ZNF385B: variants seen among roughly 807,000 people sequenced by gnomAD.
ZNF385B encodes the protein zinc finger protein 385B, also known as zinc finger protein 533.
Under a neutral mutation model 39.2 loss-of-function variants are expected in ZNF385B, and 23 were observed. The ratio of observed to expected loss-of-function variants is 0.59; its 90% confidence interval spans 0.42 to 0.83. The LOEUF (loss-of-function observed/expected upper bound fraction) is 0.83. Ranked by LOEUF, ZNF385B falls within the 40% of genes least tolerant of loss-of-function variation. ZNF385B has a pLI of 0.00. For missense variants in ZNF385B, 552 were observed against 598.9 expected (o/e 0.92, Z 0.82); for synonymous variants, 205 against 222.6 (o/e 0.92, Z 0.70).
intron 3 of ZNF385B, among the ~76,000 whole-genome samples, chr2:179,672,933 G>C (rs1380349342): frequency 6.6e-6 from 1 of 152,136 alleles, no homozygotes; most frequent in African/African-American, 2.4e-5. Context: ...CAGCTGAATA[G>C]AAGCAAAAAT....
At chr2:179,456,577 C>T (rs531161680) in intron 6 of ZNF385B, among the ~76,000 whole-genome samples, 19 of 152,212 alleles carry the variant, frequency 1.2e-4, no homozygotes, top group African/African-American at 4.3e-4. Context: ...AAGTAAAAAA[C>T]TTTATAATAA....
At chr2:179,456,431 A>T (rs2050715782) in intron 6 of ZNF385B, among the ~76,000 whole-genome samples, 1 of 152,182 alleles carries the variant, frequency 6.6e-6, no homozygotes, top group Non-Finnish European at 1.5e-5. Flanking sequence ...TATTTATTTT[A>T]TCACTAAAAC....
intron 3 of ZNF385B, among the ~76,000 whole-genome samples, chr2:179,553,839 A>AT (rs541745818): frequency 2.0e-5 from 3 of 148,882 alleles, no homozygotes; most frequent in South Asian, 2.1e-4. Context: ...TCTTCCCTCA[A>AT]TTTTTTTAGC....
chr2:179,745,685 A>G, intron 3 of ZNF385B: 3 of 1,534,144 alleles, frequency 2.0e-6, no homozygotes, highest in Non-Finnish European at 2.6e-6. Flanking sequence ...AGACCCCAGC[A>G]TCCAAGTTTT....
chr2:179,798,248 C>A (rs1200106181), intron 1 of ZNF385B, among the ~76,000 whole-genome samples: 1 of 151,958 alleles, frequency 6.6e-6, no homozygotes, highest in East Asian at 1.9e-4. Context: ...AGCTTCCTTG[C>A]TTCCTATCTC....
intron 4 of ZNF385B, among the ~76,000 whole-genome samples, chr2:179,524,882 A>G (rs1320013578): frequency 6.6e-6 from 1 of 151,680 alleles, no homozygotes; most frequent in East Asian, 1.9e-4. Flanking sequence ...TCCCAGGGGT[A>G]TTTTCTTTTT....
Position 179,483,450 on chromosome 2 carries a change from A to T in ZNF385B, c.553-16T>A, listed in dbSNP as rs2054224247. 2 of 1,613,320 alleles carry T rather than the reference A, an allele frequency of 1.2e-6. No individual in the cohort carries two copies. The highest frequency in any genetic ancestry group is 1.7e-6 in the Non-Finnish European group (2 of 1,179,528). On this transcript the variant is annotated splice_polypyrimidine_tract_variant and intron_variant, in intron 5 of 9. Coordinates refer to ENST00000410066, the MANE Select transcript of ZNF385B (RefSeq NM_152520.6). Reference sequence around the variant, plus strand: ...CGGCCTGGCTCTACAAAGGAGAACAAATCAGGCTCATTTTTTTGCTAATTA... The same window carrying T: ...CGGCCTGGCTCTACAAAGGAGAACATATCAGGCTCATTTTTTTGCTAATTA...
chr2:179,564,322 C>T (rs1684302688), intron 3 of ZNF385B, among the ~76,000 whole-genome samples: 1 of 152,122 alleles, frequency 6.6e-6, no homozygotes, highest in Non-Finnish European at 1.5e-5. Context: ...GAGACAGAGG[C>T]TCCACAGAGA....
intron 1 of ZNF385B, among the ~76,000 whole-genome samples, chr2:179,774,371 T>G (rs576202183): frequency 2.5e-4 from 37 of 149,800 alleles, no homozygotes; most frequent in African/African-American, 8.3e-4. Context: ...CTTTTTTTTG[T>G]TTGTTTTAAG....
At chr2:179,497,062 T>C (rs1274278620) in intron 5 of ZNF385B, among the ~76,000 whole-genome samples, 1 of 151,774 alleles carries the variant, frequency 6.6e-6, no homozygotes. Flanking sequence ...AACAAACAAA[T>C]GAACAAACAA....
At chr2:179,851,963 A>C (rs1684201801) in intron 1 of ZNF385B, among the ~76,000 whole-genome samples, 1 of 152,216 alleles carries the variant, frequency 6.6e-6, no homozygotes, top group Non-Finnish European at 1.5e-5. Context: ...CCAATACAAT[A>C]TTAAAGAAAG....
intron 1 of ZNF385B, among the ~76,000 whole-genome samples, chr2:179,799,091 T>C (rs982896184): frequency 6.6e-6 from 1 of 152,104 alleles, no homozygotes; most frequent in Non-Finnish European, 1.5e-5. Context: ...TTATTTGTCA[T>C]GCTTATTTTA....
chr2:179,719,163 C>T (rs1425178832), intron 3 of ZNF385B, among the ~76,000 whole-genome samples: 1 of 152,064 alleles, frequency 6.6e-6, no homozygotes, highest in South Asian at 2.1e-4. Flanking sequence ...CCCTTCCTGC[C>T]TCCACCCATG....
intron 5 of ZNF385B, among the ~76,000 whole-genome samples, chr2:179,489,541 G>C (rs1292902932): frequency 6.6e-6 from 1 of 152,244 alleles, no homozygotes; most frequent in East Asian, 1.9e-4. Context: ...CACTTAAAAT[G>C]CTATAGTTAA....
At chr2:179,509,281 C>A (rs1170895056) in intron 5 of ZNF385B, among the ~76,000 whole-genome samples, 1 of 151,720 alleles carries the variant, frequency 6.6e-6, no homozygotes, top group East Asian at 1.9e-4. Context: ...ATCCAAATAC[C>A]CATTTAAAAT....
intron 3 of ZNF385B, among the ~76,000 whole-genome samples, chr2:179,550,158 A>C (rs1384006479): frequency 6.7e-6 from 1 of 149,610 alleles, no homozygotes; most frequent in East Asian, 1.9e-4. Flanking sequence ...TAATCATTAA[A>C]AGTCTAAAGT....
intron 1 of ZNF385B, among the ~76,000 whole-genome samples, chr2:179,796,650 A>G (rs910726685): frequency 6.6e-6 from 1 of 152,144 alleles, no homozygotes; most frequent in African/African-American, 2.4e-5. Flanking sequence ...CTAGTTTTGG[A>G]GTCTCTTATT....
At chr2:179,448,443 CA>C (rs1274750865) in intron 6 of ZNF385B, among the ~76,000 whole-genome samples, 2 of 152,060 alleles carry the variant, frequency 1.3e-5, no homozygotes, top group Admixed American at 6.6e-5. Flanking sequence ...TTGCTTCAAG[CA>C]TTTCATATGA....
At chr2:179,739,593 C>A (rs1018682597) in intron 3 of ZNF385B, among the ~76,000 whole-genome samples, 13 of 152,248 alleles carry the variant, frequency 8.5e-5, no homozygotes, top group East Asian at 7.7e-4. Context: ...ACAGCTTAGA[C>A]GGAGTTTAGC....
Sources: allele counts gnomAD v4.1 joint callset (sites outside exome capture counted in the v4.1 genomes callset), GRCh38; gene constraint gnomAD v4.1.1; transcripts MANE v1.5; gene names NCBI Gene and HGNC (gene_info 2026-07-23, HGNC 2026-07-21).